Variants in SUPT3H observed in about 807,000 individuals in gnomAD.
SUPT3H encodes transcription initiation protein SPT3 homolog.
SUPT3H carries 44 observed loss-of-function variants against 44.3 expected under a neutral mutation model. The ratio of observed to expected loss-of-function variants is 0.99; its 90% CI spans 0.78 to 1.28. The LOEUF (loss-of-function observed/expected upper bound fraction) is 1.28, where lower values mean the gene tolerates loss of function less well. Ranked by LOEUF, SUPT3H falls within the 50% of genes most tolerant of loss-of-function variation. The pLI is 0.00. For missense variants in SUPT3H, 380 were observed against 387.1 expected (o/e 0.98, Z 0.15); for synonymous variants, 124 against 125.6 (o/e 0.99, Z 0.09).
chr6:44,942,708 G>A (rs1329569235), intron 9 of SUPT3H, among the ~76,000 whole-genome samples: 3 of 152,114 alleles, frequency 2.0e-5, no homozygotes, highest in Non-Finnish European at 4.4e-5. Flanking sequence ...GAAATAACAA[G>A]TGCCGTCACG....
chr6:45,225,975 A>T (rs1407037768), intron 2 of SUPT3H, among the ~76,000 whole-genome samples: 1 of 152,190 alleles, frequency 6.6e-6, no homozygotes, highest in Non-Finnish European at 1.5e-5. Context: ...TAAATTTGTT[A>T]AGGAGAAAAA....
At chr6:44,842,225 C>T (rs1771058030) in intron 10 of SUPT3H, among the ~76,000 whole-genome samples, 1 of 152,086 alleles carries the variant, frequency 6.6e-6, no homozygotes, top group Admixed American at 6.5e-5. Flanking sequence ...TGTATATTCT[C>T]TGTGAAATGC....
At chr6:45,347,016 A>T (rs910349120) in intron 2 of SUPT3H, among the ~76,000 whole-genome samples, 6 of 152,178 alleles carry the variant, frequency 3.9e-5, no homozygotes, top group African/African-American at 1.4e-4. Context: ...TGCCTTAAAA[A>T]TAACTTACAT....
chr6:44,908,020 C>T (rs1766380724), intron 10 of SUPT3H, among the ~76,000 whole-genome samples: 1 of 152,082 alleles, frequency 6.6e-6, no homozygotes, highest in Non-Finnish European at 1.5e-5. Flanking sequence ...CAAGAAATAA[C>T]CAAAACTGCT....
At chr6:44,902,619 A>G (rs1765279927) in intron 10 of SUPT3H, among the ~76,000 whole-genome samples, 1 of 152,148 alleles carries the variant, frequency 6.6e-6, no homozygotes, top group Admixed American at 6.5e-5. Context: ...TAGACACATC[A>G]ACGAGACAGA....
rs1369278955 is a variant in SUPT3H at position 44,972,274 on chromosome 6, GT to G, written c.505-10447del. 2.6e-5 allele frequency among the ~76,000 whole-genome samples: 4 copies of G among 152,106 alleles called. No individual in the cohort carries two copies. In the East Asian group the frequency reaches 7.7e-4, roughly 29 times the overall value. On this transcript the variant is annotated intron_variant, in intron 6 of 10. Transcript: ENST00000371459. Reference sequence around the variant, plus strand: ...GGGAGAAATTGGCCAAAATGAAGGGGTTACAGGCCCCACATAAGTCCAAAAT... The same window carrying G: ...GGGAGAAATTGGCCAAAATGAAGGGGTACAGGCCCCACATAAGTCCAAAAT...
At position 45,110,569 on chromosome 6, in the gene SUPT3H, TAAAA is replaced by T. The variant is rs58655964; in HGVS notation, c.102-4567_102-4564del. Among the ~76,000 whole-genome samples the T allele has an allele frequency of 5.3e-5, 8 of 149,762 alleles. No individual in the cohort carries two copies. The South Asian group carries it at 6.4e-4, about 12-fold the overall frequency. Reference sequence around the variant, plus strand: ...AGTGCTTTCTAACATCAGCTTTTTTTAAAAAAAAAAAAGGAGAAAGATTTCTTAA... The same window carrying T: ...AGTGCTTTCTAACATCAGCTTTTTTTAAAAAAAAGGAGAAAGATTTCTTAA... On this transcript the variant is annotated intron_variant, in intron 2 of 10. Transcript: ENST00000371459.
At chr6:44,899,488 C>A (rs62436368) in intron 10 of SUPT3H, among the ~76,000 whole-genome samples, 32,569 of 151,964 alleles carry the variant, frequency 0.21, 4,067 homozygotes, top group Non-Finnish European at 0.29. Flanking sequence ...GAGTTCGAGA[C>A]CAGCCTGGCC....
chr6:44,903,847 T>G (rs918600558), intron 10 of SUPT3H, among the ~76,000 whole-genome samples: 1 of 152,204 alleles, frequency 6.6e-6, no homozygotes, highest in African/African-American at 2.4e-5. Context: ...TCAAGTGGGC[T>G]TCATCCCTGG....
chr6:45,093,131 G>T (rs1797357619), intron 3 of SUPT3H, among the ~76,000 whole-genome samples: 1 of 151,254 alleles, frequency 6.6e-6, no homozygotes, highest in East Asian at 1.9e-4. Context: ...GAATCTAAAG[G>T]GATAAAAATA....
At position 45,100,711 on chromosome 6, in the gene SUPT3H, C is replaced by T. The variant is rs201991803; in HGVS notation, c.186+5211G>A. The stretch of plus-strand genomic sequence containing the variant: ...AAAACAAGGTTATAATTAATAATAC[C>T]AAATGCTAGCAATGAGGAGGAGAAA... On this transcript the variant is annotated intron_variant, in intron 3 of 10. Coordinates refer to ENST00000371459, the MANE Select transcript of SUPT3H (RefSeq NM_003599.4). Among the ~76,000 whole-genome samples the T allele has an allele frequency of 2.0e-5, 3 of 151,840 alleles. No individual in the cohort carries two copies. In the East Asian group the frequency reaches 5.8e-4, roughly 29 times the overall value.
intron 10 of SUPT3H, among the ~76,000 whole-genome samples, chr6:44,869,287 T>C (rs900123815): frequency 1.3e-5 from 2 of 152,150 alleles, no homozygotes; most frequent in African/African-American, 4.8e-5. Flanking sequence ...GAAAAAGCCC[T>C]TCTTTACCAA....
chr6:45,348,001 A>C lies in SUPT3H; in HGVS notation c.101+17200T>G, dbSNP rs117766157. Among the ~76,000 whole-genome samples the C allele has an allele frequency of 1.7e-4, 26 of 152,272 alleles. No homozygotes were observed. The East Asian group carries it at 4.1e-3, about 24-fold the overall frequency. ...TTACAATCAGAGAAAGTTTAAAGTT[A>C]TATAAATAGGTATGTATGCATGTGT... On this transcript the variant is annotated intron_variant, in intron 2 of 10. Coordinates refer to ENST00000371459, the MANE Select transcript of SUPT3H (RefSeq NM_003599.4).
chr6:44,925,804 C>A (rs1476222740), intron 10 of SUPT3H, among the ~76,000 whole-genome samples: 1 of 152,026 alleles, frequency 6.6e-6, no homozygotes, highest in East Asian at 1.9e-4. Context: ...TACTTCTAAC[C>A]CTGAACAAGT....
At chr6:44,894,284 T>A (rs1171014645) in intron 10 of SUPT3H, among the ~76,000 whole-genome samples, 1 of 151,638 alleles carries the variant, frequency 6.6e-6, no homozygotes, top group Non-Finnish European at 1.5e-5. Flanking sequence ...GTTTTAGACA[T>A]GAAGTCCTTG....
At chr6:44,952,532 G>GT (rs766183899) in intron 9 of SUPT3H, among the ~76,000 whole-genome samples, 28 of 152,254 alleles carry the variant, frequency 1.8e-4, no homozygotes, top group Middle Eastern at 3.4e-3. Flanking sequence ...GATCCAAAAC[G>GT]TACTTCACAA....
intron 2 of SUPT3H, among the ~76,000 whole-genome samples, chr6:45,282,880 TG>T (rs1342351667): frequency 6.6e-6 from 1 of 152,194 alleles, no homozygotes; most frequent in East Asian, 1.9e-4. Flanking sequence ...GACTAACGGC[TG>T]ATCTCTCAGC....
Position 45,359,498 on chromosome 6 carries a change from T to C in SUPT3H, c.101+5703A>G, listed in dbSNP as rs80088603. Among the ~76,000 whole-genome samples, 577 of 152,240 alleles carry C rather than the reference T, an allele frequency of 3.8e-3. 2 individuals are homozygous for C. Among genetic ancestry groups the C allele is most frequent in the Non-Finnish European group, 5.8e-3 (396 of 68,002 alleles). On this transcript the variant is annotated intron_variant, in intron 2 of 10. Transcript: ENST00000371459. Reference sequence around the variant, plus strand: ...AGTTTACCACATATTTTAGTGTAATTTAAATATCAGGAAGATCAATTATTA... The same window carrying C: ...AGTTTACCACATATTTTAGTGTAATCTAAATATCAGGAAGATCAATTATTA...
chr6:45,165,680 A>G (rs1263106460), intron 2 of SUPT3H, among the ~76,000 whole-genome samples: 1 of 152,234 alleles, frequency 6.6e-6, no homozygotes, highest in African/African-American at 2.4e-5. Context: ...GAAAGCGCTA[A>G]GAATAAAAAA....
Sources: allele counts gnomAD v4.1 joint callset (sites outside exome capture counted in the v4.1 genomes callset), GRCh38; gene constraint gnomAD v4.1.1; transcripts MANE v1.5; gene names NCBI Gene and HGNC (gene_info 2026-07-23, HGNC 2026-07-21).